Variants in CFAP52 observed in about 807,000 individuals in gnomAD.
CFAP52 encodes the protein cilia and flagella associated protein 52.
In CFAP52, 57 loss-of-function variants were observed where a neutral mutation model predicts 70.5. That is an observed-to-expected ratio of 0.81 (90% CI 0.65 to 1.01). The LOEUF (loss-of-function observed/expected upper bound fraction) is 1.01. Among genes scored for constraint, CFAP52 ranks in the 50% least tolerant of loss-of-function variants. The pLI, the probability that CFAP52 is intolerant of heterozygous loss-of-function variation, is 0.00. For missense variants in CFAP52, 785 were observed against 788.5 expected, an observed-to-expected ratio of 1.00 and a Z score of 0.05; for synonymous variants, 267 against 292.5, an observed-to-expected ratio of 0.91 and a Z score of 0.89.
In CFAP52 at chr17:9,628,756, C is replaced by T; in HGVS notation, c.1110C>T (p.Ile370=). 6.2e-7 allele frequency: 1 copy of T among 1,614,158 alleles called. No individual in the cohort carries two copies. Among genetic ancestry groups the T allele is most frequent in the Non-Finnish European group, 8.5e-7 (1 of 1,180,026 alleles). ...CATCCAACAGGGAGCTGCTGCGGAT[C>T]ACCGTGCCCAACATGACCTGCCACG... ...HTSSNRELLR[I]TVPNMTCHGI... is the part of the protein sequence containing the mutation. The change falls in exon 9 of 14, where the codon ATC becomes ATT. Residue 370 remains isoleucine, a synonymous_variant. Coordinates refer to ENST00000352665, the MANE Select transcript of CFAP52 (RefSeq NM_145054.5).
chr17:9,583,763 G>A lies in CFAP52; in HGVS notation c.71-2010G>A, dbSNP rs186484782. Among the ~76,000 whole-genome samples the A allele has an allele frequency of 1.3e-3, 197 of 152,282 alleles. 4 individuals carry two copies. The highest frequency in any genetic ancestry group is 9.0e-4 in the Non-Finnish European group (61 of 68,022). The stretch of plus-strand genomic sequence containing the variant: ...AGCAATCAAAAAAATTCTGACCATA[G>A]GTGAGCAATAATGGAGGACCTGGGT... On this transcript the variant is annotated intron_variant, in intron 1 of 13. Transcript: ENST00000352665.
At chr17:9,582,875 G>T (rs1237301710) in intron 1 of CFAP52, among the ~76,000 whole-genome samples, 1 of 152,242 alleles carries the variant, frequency 6.6e-6, no homozygotes, top group Non-Finnish European at 1.5e-5. Flanking sequence ...AGCCTCGAGT[G>T]ATCTGCCTGC....
intron 4 of CFAP52, among the ~76,000 whole-genome samples, chr17:9,596,017 A>C (rs1908983871): frequency 6.9e-6 from 1 of 145,984 alleles, no homozygotes; most frequent in African/African-American, 2.5e-5. Context: ...ATATATGTTT[A>C]TATAGTTACA....
chr17:9,588,210 A>G (rs543913232), intron 3 of CFAP52, among the ~76,000 whole-genome samples: 2 of 151,952 alleles, frequency 1.3e-5, no homozygotes, highest in South Asian at 4.2e-4. Flanking sequence ...ATAGCATGGG[A>G]AAGGCCATCA....
At position 9,628,093 on chromosome 17, in the gene CFAP52, T is replaced by G. The variant is rs59210222; in HGVS notation, c.1026-579T>G. Among the ~76,000 whole-genome samples, 378 of 152,180 alleles carry G rather than the reference T, an allele frequency of 2.5e-3. 3 individuals carry two copies. Among genetic ancestry groups the G allele is most frequent in the Middle Eastern group, 0.01 (3 of 294 alleles). Reference sequence around the variant, plus strand: ...ACTATCCTCCAGTCTACCAAGACTTTGTGAGAATTTTAAATTGGCTTATTC... The same window carrying G: ...ACTATCCTCCAGTCTACCAAGACTTGGTGAGAATTTTAAATTGGCTTATTC... On this transcript the variant is annotated intron_variant, in intron 8 of 13. Coordinates refer to ENST00000352665, the MANE Select transcript of CFAP52 (RefSeq NM_145054.5).
chr17:9,631,016 AAGAAAGAAAGAAAGAG>A (rs1405331818), intron 9 of CFAP52, among the ~76,000 whole-genome samples: 2 of 51,168 alleles, frequency 3.9e-5, no homozygotes, highest in African/African-American at 2.7e-4. Flanking sequence ...GAAAGAAAGA[AAGAAAGAAAGAAAGAG>A]AGAGAGAGAG....
At chr17:9,592,358 A>G (rs556135584) in intron 3 of CFAP52, among the ~76,000 whole-genome samples, 1 of 152,144 alleles carries the variant, frequency 6.6e-6, no homozygotes, top group Non-Finnish European at 1.5e-5. Flanking sequence ...AACCCCAGCT[A>G]CTAGGGAGGC....
At chr17:9,592,503 C>G (rs892838440) in intron 3 of CFAP52, among the ~76,000 whole-genome samples, 2 of 151,954 alleles carry the variant, frequency 1.3e-5, no homozygotes, top group African/African-American at 2.4e-5. Flanking sequence ...AACCCCGTAC[C>G]CATTAGCAAT....
At chr17:9,599,232 G>A (rs1909157493) in intron 5 of CFAP52, among the ~76,000 whole-genome samples, 1 of 152,166 alleles carries the variant, frequency 6.6e-6, no homozygotes, top group Non-Finnish European at 1.5e-5. Context: ...TTTCCTTGGA[G>A]TGTCACATCA....
At chr17:9,638,888 A>C in intron 12 of CFAP52, 177 bp downstream of exon 12, 1 of 608,752 alleles carries the variant, frequency 1.6e-6, no homozygotes, top group Non-Finnish European at 2.9e-6. Context: ...TCACTTCCCC[A>C]CCTGTTAAGT....
chr17:9,579,034 A>G (rs1908097002), intron 1 of CFAP52, among the ~76,000 whole-genome samples: 1 of 152,152 alleles, frequency 6.6e-6, no homozygotes, highest in South Asian at 2.1e-4. Flanking sequence ...ACTCTGCTTT[A>G]AGGTGTTTTG....
At chr17:9,641,983 A>C in intron 13 of CFAP52, 148 bp downstream of exon 13, 1 of 577,642 alleles carries the variant, frequency 1.7e-6, no homozygotes, top group Admixed American at 3.2e-5. Flanking sequence ...ACTGCAGCCA[A>C]TGTGGCTGAG....
chr17:9,590,342 A>G, intron 3 of CFAP52: 1 of 183,524 alleles, frequency 5.4e-6, no homozygotes, highest in Non-Finnish European at 1.2e-5. Flanking sequence ...TAATTAGCCC[A>G]TCTTTGATCA....
intron 3 of CFAP52, among the ~76,000 whole-genome samples, chr17:9,592,233 C>A (rs1234164299): frequency 6.6e-6 from 1 of 152,030 alleles, no homozygotes; most frequent in East Asian, 1.9e-4. Context: ...GAGGCTGAGG[C>A]GGGTGGATCG....
At chr17:9,644,869 T>C (rs1911252642), downstream of CFAP52, 1 of 152,168 alleles carries the variant, frequency 6.6e-6, no homozygotes. Flanking sequence ...CCCCCTTCCT[T>C]GCCGATTAAA....
intron 6 of CFAP52, 58 bp downstream of exon 6, chr17:9,600,241 A>G (rs374896694): frequency 7.0e-7 from 1 of 1,438,708 alleles, no homozygotes; most frequent in Non-Finnish European, 9.7e-7. Flanking sequence ...GGCAGCATGT[A>G]CTTTTTTTTT....
intron 8 of CFAP52, among the ~76,000 whole-genome samples, chr17:9,616,014 A>AACAGCTCCGGTCT (rs972775141): frequency 1.3e-5 from 2 of 151,498 alleles, no homozygotes; most frequent in African/African-American, 4.9e-5. Context: ...GCCGAATAGG[A>AACAGCTCCGGTCT]ACAGCTCCGG....
intron 1 of CFAP52, among the ~76,000 whole-genome samples, chr17:9,582,065 G>A (rs1908252419): frequency 6.6e-6 from 1 of 152,122 alleles, no homozygotes; most frequent in South Asian, 2.1e-4. Context: ...GACTCTTCTA[G>A]TTTGCAACCA....
intron 7 of CFAP52, among the ~76,000 whole-genome samples, chr17:9,611,091 G>A (rs545888322): frequency 7.9e-5 from 12 of 152,238 alleles, no homozygotes; most frequent in Non-Finnish European, 1.3e-4. Flanking sequence ...TCTTCCTTTC[G>A]TCATTAACTG....
Sources: allele counts gnomAD v4.1 joint callset (sites outside exome capture counted in the v4.1 genomes callset), GRCh38; gene constraint gnomAD v4.1.1; transcripts MANE v1.5; gene names NCBI Gene and HGNC (gene_info 2026-07-23, HGNC 2026-07-21).